CHODL: variants seen among roughly 807,000 people sequenced by gnomAD.
CHODL encodes the protein transmembrane protein MT75.
CHODL carries 29 observed loss-of-function variants against 34.5 expected under a neutral mutation model. That is an observed-to-expected ratio of 0.84 (90% confidence interval 0.63 to 1.15). The LOEUF (loss-of-function observed/expected upper bound fraction) is 1.15, where lower values mean the gene tolerates loss of function less well. CHODL is among the 50% of genes most tolerant of loss of function. The pLI, the probability that CHODL is intolerant of heterozygous loss-of-function variation, is 0.00. For missense variants in CHODL, 332 were observed against 332.5 expected (o/e 1.00, Z 0.01); for synonymous variants, 125 against 116.1 (o/e 1.08, Z -0.49).
chr21:18,092,607 A>T (rs752820657), intron 2 of CHODL, among the ~76,000 whole-genome samples: 32 of 152,232 alleles, frequency 2.1e-4, no homozygotes, highest in Non-Finnish European at 3.1e-4. Context: ...ATTCTATCAG[A>T]TACAGTTAAA....
chr21:18,158,033 C>G (rs978892040), intron 2 of CHODL, among the ~76,000 whole-genome samples: 1 of 143,738 alleles, frequency 7.0e-6, no homozygotes, highest in African/African-American at 2.5e-5. Context: ...TTATAGCGTG[C>G]TTTGAGGATT....
chr21:18,096,598 A>G (rs149476269), intron 2 of CHODL, among the ~76,000 whole-genome samples: 72 of 152,204 alleles, frequency 4.7e-4, no homozygotes, highest in African/African-American at 1.4e-3. Context: ...GCTTGCTAGG[A>G]TTAGGAAATT....
chr21:18,248,873 ATATG>A (rs1313089463), intron 1 of CHODL, among the ~76,000 whole-genome samples: 1 of 119,972 alleles, frequency 8.3e-6, no homozygotes, highest in Non-Finnish European at 1.6e-5. Flanking sequence ...ATGTGTATAT[ATATG>A]TATTGTACCT....
rs114905909 is a variant in CHODL at position 17,920,637 on chromosome 21, A to G, written c.-145+3237A>G. Among the ~76,000 whole-genome samples, 1,217 of 152,356 alleles carry G rather than the reference A, an allele frequency of 8.0e-3. 19 individuals carry two copies. The highest frequency in any genetic ancestry group is 0.027 in the African/African-American group (1,121 of 41,584). On this transcript the variant is annotated intron_variant, in intron 1 of 6. Coordinates refer to the CHODL transcript ENST00000400127. ...TGTTGTAAGGATTAAACAAGAAAAT[A>G]CATTTACATTTTTGAGACGGTGCTT...
intron 1 of CHODL, among the ~76,000 whole-genome samples, chr21:17,963,063 CA>C (rs752553578): frequency 2.3e-4 from 32 of 136,494 alleles, no homozygotes; most frequent in East Asian, 1.0e-3. Context: ...GACTATGTCT[CA>C]AAAAAAAAAA....
At chr21:18,035,155 C>T (rs987205925) in intron 2 of CHODL, among the ~76,000 whole-genome samples, 3 of 151,962 alleles carry the variant, frequency 2.0e-5, no homozygotes, top group African/African-American at 4.8e-5. Context: ...CTGTGTTCTT[C>T]GTTTCCTTGT....
intron 1 of CHODL, among the ~76,000 whole-genome samples, chr21:18,021,243 G>A (rs2064125169): frequency 6.6e-6 from 1 of 152,174 alleles, no homozygotes; most frequent in Admixed American, 6.5e-5. Context: ...TCCAGTAAAT[G>A]AGACCAAGAA....
At chr21:17,950,958 G>C (rs2063451979) in intron 1 of CHODL, among the ~76,000 whole-genome samples, 1 of 152,020 alleles carries the variant, frequency 6.6e-6, no homozygotes, top group Non-Finnish European at 1.5e-5. Flanking sequence ...AATTCCTGTG[G>C]TCTGAGGTCT....
At chr21:18,034,766 T>A (rs1877174199) in intron 2 of CHODL, 1 of 152,092 alleles carries the variant, frequency 6.6e-6, no homozygotes, top group African/African-American at 2.4e-5. Flanking sequence ...TTAGATAGTA[T>A]GTGAGGTCTG....
chr21:17,950,086 AT>A (rs1198077737), intron 1 of CHODL, among the ~76,000 whole-genome samples: 1 of 152,202 alleles, frequency 6.6e-6, no homozygotes, highest in Admixed American at 6.5e-5. Context: ...GCTTCACTTC[AT>A]TCTGTCTTTG....
intron 2 of CHODL, among the ~76,000 whole-genome samples, chr21:18,107,835 A>G (rs541109261): frequency 5.3e-5 from 8 of 152,338 alleles, no homozygotes; most frequent in African/African-American, 1.9e-4. Flanking sequence ...GAGAAGTACA[A>G]TGACTATGTG....
At chr21:17,917,382 T>A (rs1360269432) in exon 1 of CHODL, 1 of 152,382 alleles carries the variant, frequency 6.6e-6, no homozygotes, top group Non-Finnish European at 1.5e-5. Flanking sequence ...CCTCCATAAT[T>A]GAGTGAGCCA....
At chr21:18,260,327 C>G (rs1304681955) in intron 4 of CHODL, 41 bp downstream of exon 4, 1 of 1,280,942 alleles carries the variant, frequency 7.8e-7, no homozygotes, top group African/African-American at 1.5e-5. Context: ...AAGAACTGAA[C>G]TGTACTTTCA....
intron 1 of CHODL, among the ~76,000 whole-genome samples, chr21:18,254,047 G>A (rs2074287503): frequency 6.6e-6 from 1 of 151,984 alleles, no homozygotes; most frequent in South Asian, 2.1e-4. Flanking sequence ...TGTCATCATA[G>A]GTCATTAACT....
chr21:17,976,883 G>T (rs2063667312), intron 1 of CHODL, among the ~76,000 whole-genome samples: 1 of 152,166 alleles, frequency 6.6e-6, no homozygotes, highest in South Asian at 2.1e-4. Flanking sequence ...TGTGACATCA[G>T]TCCTGATTTC....
intron 1 of CHODL, among the ~76,000 whole-genome samples, chr21:17,994,774 C>T (rs1460932068): frequency 6.6e-6 from 1 of 152,032 alleles, no homozygotes; most frequent in Non-Finnish European, 1.5e-5. Context: ...TTCAACCCCC[C>T]AGGTAATGTG....
At chr21:18,068,474 G>C (rs1456397042) in intron 2 of CHODL, among the ~76,000 whole-genome samples, 1 of 152,164 alleles carries the variant, frequency 6.6e-6, no homozygotes, top group Non-Finnish European at 1.5e-5. Context: ...TGGGATTACA[G>C]GTGTGAGCCA....
chr21:18,102,589 T>G (rs781668477), intron 2 of CHODL, among the ~76,000 whole-genome samples: 59 of 152,278 alleles, frequency 3.9e-4, no homozygotes, highest in African/African-American at 1.3e-3. Flanking sequence ...ACTATAAAAG[T>G]GCTGTTTAAC....
intron 1 of CHODL, among the ~76,000 whole-genome samples, chr21:17,938,753 C>T (rs1401256364): frequency 1.3e-5 from 2 of 152,098 alleles, no homozygotes; most frequent in Admixed American, 6.5e-5. Flanking sequence ...GCTGGGATTA[C>T]AGGTGTGAGC....
Sources: allele counts gnomAD v4.1 joint callset (sites outside exome capture counted in the v4.1 genomes callset), GRCh38; gene constraint gnomAD v4.1.1; transcripts MANE v1.5; gene names NCBI Gene and HGNC (gene_info 2026-07-23, HGNC 2026-07-21).